Variants in CPT1A observed in about 807,000 individuals in gnomAD.
CPT1A encodes the protein carnitine palmitoyltransferase 1A, also known as carnitine O-palmitoyltransferase 1, liver isoform.
In CPT1A, 64 loss-of-function variants were observed where a neutral mutation model predicts 100.8. The observed-to-expected ratio is 0.63, with a 90% CI of 0.52 to 0.78. The LOEUF (loss-of-function observed/expected upper bound fraction) is 0.78. Ranked by LOEUF, CPT1A falls within the 30% of genes least tolerant of loss-of-function variation. The pLI is 0.00. For synonymous variants in CPT1A, 363 were observed against 396.0 expected (o/e 0.92, Z 0.99); for missense variants, 802 against 1,034.1 (o/e 0.78, Z 3.08).
At chr11:68,784,087 C>T (rs1325650614) in intron 10 of CPT1A, among the ~76,000 whole-genome samples, 2 of 152,108 alleles carry the variant, frequency 1.3e-5, no homozygotes, top group Admixed American at 1.3e-4. Context: ...CATCTCAAAC[C>T]CCTAGGCTCA....
At chr11:68,762,454 A>G (rs1421504829) in intron 15 of CPT1A, among the ~76,000 whole-genome samples, 173 bp downstream of exon 15, 1 of 152,204 alleles carries the variant, frequency 6.6e-6, no homozygotes, top group African/African-American at 2.4e-5. Context: ...ACCTTTTAAT[A>G]TTTTAATACC....
intron 12 of CPT1A, among the ~76,000 whole-genome samples, chr11:68,776,913 C>G (rs925683838): frequency 2.0e-5 from 3 of 152,078 alleles, no homozygotes; most frequent in African/African-American, 4.8e-5. Context: ...AAGAGGAATC[C>G]CTGTGCTCAG....
intron 1 of CPT1A, among the ~76,000 whole-genome samples, chr11:68,821,003 A>G (rs1202061002): frequency 2.6e-5 from 4 of 152,086 alleles, no homozygotes; most frequent in Admixed American, 2.6e-4. Flanking sequence ...TCCTGTATAT[A>G]TATTTTTTTG....
At chr11:68,776,751 C>T (rs1225727748) in intron 12 of CPT1A, among the ~76,000 whole-genome samples, 5 of 152,142 alleles carry the variant, frequency 3.3e-5, no homozygotes, top group African/African-American at 7.2e-5. Flanking sequence ...TGGCGATGCA[C>T]GCCTGTAATC....
Position 68,788,968 on chromosome 11 carries a change from A to G in CPT1A, c.968-3958T>C, listed in dbSNP as rs149452422. Among the ~76,000 whole-genome samples, 29 of 152,274 alleles carry G rather than the reference A, an allele frequency of 1.9e-4. No homozygotes were observed. In the East Asian group the frequency reaches 4.2e-3, roughly 22 times the overall value. ...GCCTGCTCTACAGACTGTTTGACCA[A>G]TGCATGCAGGGGAGAAACATACACA... is the stretch of plus-strand genomic sequence containing the variant. On this transcript the variant is annotated intron_variant, in intron 9 of 18. Coordinates refer to ENST00000265641, the MANE Select transcript of CPT1A (RefSeq NM_001876.4).
rs1029215336 is a variant in CPT1A, at chr11:68,804,115, A to G, written c.454-14T>C. ...CTTGACCATACCCTGAAGAGAGAGA[A>G]TTATATTTTCAGACTACTGCCATAC... On this transcript the variant is annotated splice_polypyrimidine_tract_variant and intron_variant, in intron 4 of 18. Coordinates refer to ENST00000265641, the MANE Select transcript of CPT1A (RefSeq NM_001876.4). 10 of 1,598,710 alleles carry G rather than the reference A, an allele frequency of 6.3e-6. No individual in the cohort carries two copies. The highest frequency in any genetic ancestry group is 2.2e-5 in the East Asian group (1 of 44,806).
chr11:68,795,764 G>A (rs541986687), intron 7 of CPT1A, among the ~76,000 whole-genome samples: 84 of 152,106 alleles, frequency 5.5e-4, no homozygotes, highest in African/African-American at 1.9e-3. Context: ...ACAAAAATTA[G>A]CCGGGCGTTG....
At chr11:68,823,415 G>A (rs1265762152) in intron 1 of CPT1A, among the ~76,000 whole-genome samples, 2 of 152,076 alleles carry the variant, frequency 1.3e-5, no homozygotes, top group Non-Finnish European at 2.9e-5. Flanking sequence ...TGGTGGGGGT[G>A]GATATGTTAT....
intron 9 of CPT1A, among the ~76,000 whole-genome samples, chr11:68,788,912 A>C (rs3019578): frequency 0.95 from 145,110 of 152,228 alleles, 69,278 homozygotes; most frequent in Non-Finnish European, 0.99. Flanking sequence ...TGGAAATGTC[A>C]ACCAGGGCAG....
chr11:68,812,598 G>A (rs754850995), intron 2 of CPT1A, 22 bp from the exon 3 acceptor site: 21 of 1,613,608 alleles, frequency 1.3e-5, no homozygotes, highest in East Asian at 8.9e-5. Context: ...CACCCGGGCC[G>A]TGAGCGGTGT....
chr11:68,778,154 T>C (rs983541441), intron 12 of CPT1A, among the ~76,000 whole-genome samples: 1 of 151,342 alleles, frequency 6.6e-6, no homozygotes, highest in Non-Finnish European at 1.5e-5. Context: ...TGGCTGGAGG[T>C]TTTGCCAAGA....
chr11:68,759,570 G>A lies in CPT1A; in HGVS notation c.2234C>T (p.Thr745Met), dbSNP rs758127254. The stretch of plus-strand genomic sequence containing the variant: ...AAAGGAACTTCTTTTCATACATACC[G>A]TCTCAGGGCAAGAGAACTTGGAAGA... ...HISSKFSCPE[T>M]DSHRFGRHLK... Residue 745 changes from threonine (T) to methionine (M), a missense_variant and splice_region_variant, in exon 18 of 19, where the codon ACG (threonine) becomes ATG (methionine). Around this residue, in one of 4 missense-constraint regions of CPT1A, gnomAD observed 627 missense variants for 799.3 expected, o/e 0.78. Coordinates refer to ENST00000265641, the MANE Select transcript of CPT1A (RefSeq NM_001876.4). The A allele has an allele frequency of 1.2e-5, 19 of 1,600,360 alleles. No homozygotes were observed. Among genetic ancestry groups the A allele is most frequent in the African/African-American group, 2.7e-5 (2 of 74,540 alleles).
chr11:68,760,152 TG>T, intron 17 of CPT1A, 72 bp downstream of exon 17: 2 of 1,055,754 alleles, frequency 1.9e-6, no homozygotes, highest in Non-Finnish European at 2.9e-6. Context: ...AGCACGGAGA[TG>T]GGCCCATCAC....
At chr11:68,764,691 G>C (rs1020208285) in intron 14 of CPT1A, among the ~76,000 whole-genome samples, 1 of 152,172 alleles carries the variant, frequency 6.6e-6, no homozygotes, top group Non-Finnish European at 1.5e-5. Flanking sequence ...GGAGGCCCCT[G>C]AAAGGCAGAA....
intron 9 of CPT1A, among the ~76,000 whole-genome samples, chr11:68,792,004 G>C (rs2153999404): frequency 6.6e-6 from 1 of 152,196 alleles, no homozygotes; most frequent in East Asian, 1.9e-4. Flanking sequence ...ATATTGACTA[G>C]GGCTTGGTCT....
In CPT1A at chr11:68,812,570, T is replaced by C; in HGVS notation, c.148A>G (p.Ile50Val). ...KKKFIRFKNG[I>V]ITGVYPASPS... ...CTTGCCGGGTACACGCCAGTGATGA[T>C]GCCGTTCTAAAGACAGACACCCGGG... is the stretch of plus-strand genomic sequence containing the variant. The change falls in exon 3 of 19, where the codon ATC becomes GTC. Residue 50 changes from isoleucine to valine, a missense_variant. Coordinates refer to ENST00000265641, the MANE Select transcript of CPT1A (RefSeq NM_001876.4). 1 of 1,614,148 alleles carries C rather than the reference T, an allele frequency of 6.2e-7. No homozygotes were observed.
intron 3 of CPT1A, among the ~76,000 whole-genome samples, chr11:68,808,373 C>CTT (rs34991663): frequency 2.9e-4 from 40 of 140,238 alleles, no homozygotes; most frequent in African/African-American, 9.6e-4. Flanking sequence ...TGAAATTCAG[C>CTT]TTTTTTTTTT....
Position 68,775,413 on chromosome 11 carries a change from C to G in CPT1A, c.1478G>C (p.Ser493Thr). ...HLWEYVMSID[S>T]LQLGYAEDGH... is the part of the protein sequence containing the mutation. ...ATCCTCCGCATAGCCCAGCTGGAGG[C>G]TGTCAATGGACATGACGTACTGTCA... Residue 493 changes from serine (S) to threonine (T), a missense_variant, in exon 13 of 19, where the codon AGC becomes ACC. This residue lies in a region of CPT1A where 627 missense variants were observed against 799.3 expected (regional missense o/e 0.78). Transcript: ENST00000265641. 6.2e-7 allele frequency: 1 copy of G among 1,613,858 alleles called. No homozygotes were observed. The highest frequency in any genetic ancestry group is 8.5e-7 in the Non-Finnish European group (1 of 1,179,692).
At chr11:68,829,856 C>T (rs1340403784) in intron 1 of CPT1A, among the ~76,000 whole-genome samples, 2 of 152,226 alleles carry the variant, frequency 1.3e-5, no homozygotes, top group African/African-American at 4.8e-5. Context: ...AACACATCGT[C>T]TGGCATTGTC....
Sources: allele counts gnomAD v4.1 joint callset (sites outside exome capture counted in the v4.1 genomes callset), GRCh38; gene constraint gnomAD v4.1.1; regional missense constraint gnomAD v4.1.1; transcripts MANE v1.5; gene names NCBI Gene and HGNC (gene_info 2026-07-23, HGNC 2026-07-21).